SFSWAP: variants seen among roughly 807,000 people sequenced by gnomAD.
The protein encoded by SFSWAP is splicing factor SWAP.
SFSWAP carries 17 observed loss-of-function variants against 100.7 expected under a neutral mutation model. The observed-to-expected ratio is 0.17, with a 90% confidence interval of 0.12 to 0.25. The LOEUF (loss-of-function observed/expected upper bound fraction) is 0.25. Ranked by LOEUF, SFSWAP falls within the 10% of genes least tolerant of loss-of-function variation. The pLI, the probability that SFSWAP is intolerant of heterozygous loss-of-function variation, is 1.00. For synonymous variants in SFSWAP, 504 were observed against 510.1 expected (o/e 0.99, Z 0.16); for missense variants, 1,005 against 1,262.6 (o/e 0.80, Z 3.09).
rs958189499 is a variant in SFSWAP at position 131,764,182 on chromosome 12, G to A, written c.1721-274G>A. Among the ~76,000 whole-genome samples the A allele has an allele frequency of 9.2e-5, 14 of 152,220 alleles. 1 individual carries two copies. The highest frequency in any genetic ancestry group is 6.5e-4 in the Admixed American group (10 of 15,286). ...TGGCCATTTAAAATTGCAGGTGACTGCCCTGGCATCAGCGAGTGTGCCCTT... is the reference window on the plus strand; with the variant it reads ...TGGCCATTTAAAATTGCAGGTGACTACCCTGGCATCAGCGAGTGTGCCCTT... On this transcript the variant is annotated intron_variant, in intron 11 of 17. Coordinates refer to ENST00000261674, the MANE Select transcript of SFSWAP (RefSeq NM_004592.4).
intron 7 of SFSWAP, among the ~76,000 whole-genome samples, chr12:131,735,431 C>A (rs748232559): frequency 4.6e-5 from 7 of 152,206 alleles, no homozygotes; most frequent in African/African-American, 7.2e-5. Flanking sequence ...CCAGTTAATT[C>A]TGGAACATTT....
chr12:131,766,961 G>A (rs567169950), intron 13 of SFSWAP, among the ~76,000 whole-genome samples: 4 of 152,244 alleles, frequency 2.6e-5, no homozygotes, highest in South Asian at 4.1e-4. Context: ...TTGTGTGTCC[G>A]AGACCAGAGG....
At chr12:131,762,366 G>A (rs1316704250) in intron 11 of SFSWAP, among the ~76,000 whole-genome samples, 1 of 152,202 alleles carries the variant, frequency 6.6e-6, no homozygotes, top group East Asian at 1.9e-4. Context: ...AGCTATGATT[G>A]CACCACTGCA....
At chr12:131,724,185 G>A (rs1408254668) in intron 4 of SFSWAP, among the ~76,000 whole-genome samples, 2 of 152,110 alleles carry the variant, frequency 1.3e-5, no homozygotes, top group Admixed American at 1.3e-4. Flanking sequence ...TAACAAATAG[G>A]CCTACTTTTA....
intron 7 of SFSWAP, among the ~76,000 whole-genome samples, chr12:131,742,426 T>C (rs1349642919): frequency 3.3e-5 from 5 of 152,172 alleles, no homozygotes; most frequent in African/African-American, 1.2e-4. Context: ...CTTTTTTTTT[T>C]CTAGAGGAAA....
chr12:131,799,328 T>A, intron 17 of SFSWAP, 95 bp from the exon 18 acceptor site: 1 of 1,335,510 alleles, frequency 7.5e-7, no homozygotes, highest in Non-Finnish European at 1.1e-6. Context: ...TAGCACCGTC[T>A]GGTCTTGACC....
At chr12:131,771,405 G>A (rs1418672472) in intron 13 of SFSWAP, among the ~76,000 whole-genome samples, 4 of 152,158 alleles carry the variant, frequency 2.6e-5, no homozygotes, top group Non-Finnish European at 2.9e-5. Flanking sequence ...CCTGTGTCTT[G>A]TGTACTCCAG....
At chr12:131,740,554 A>C (rs1593133912) in intron 7 of SFSWAP, among the ~76,000 whole-genome samples, 1 of 151,998 alleles carries the variant, frequency 6.6e-6, no homozygotes, top group Non-Finnish European at 1.5e-5. Context: ...TGTCCCACGC[A>C]TTGGTGCCTC....
Position 131,798,763 on chromosome 12 carries a change from G to A in SFSWAP, c.2718-274G>A, listed in dbSNP as rs181779830. On this transcript the variant is annotated intron_variant, in intron 16 of 17. Transcript: ENST00000261674. ...AAATTAGCCGGGCATGGTGGCACAC[G>A]CCTGCAATCCCAGCTACTCAGGAGG... is the stretch of plus-strand genomic sequence containing the variant. 2.4e-4 allele frequency among the ~76,000 whole-genome samples: 36 copies of A among 152,188 alleles called. No individual in the cohort carries two copies. In the East Asian group the frequency reaches 5.8e-3, roughly 25 times the overall value.
At chr12:131,756,396 T>A in intron 10 of SFSWAP, 77 bp from the exon 11 acceptor site, 1 of 1,342,382 alleles carries the variant, frequency 7.4e-7, no homozygotes, top group South Asian at 1.2e-5. Flanking sequence ...GTGAAACATA[T>A]ACCGTATACA....
At chr12:131,782,770 G>A (rs1192726219) in intron 14 of SFSWAP, among the ~76,000 whole-genome samples, 1 of 152,100 alleles carries the variant, frequency 6.6e-6, no homozygotes, top group Non-Finnish European at 1.5e-5. Flanking sequence ...TAAGTTATGG[G>A]CGACTCTGGA....
intron 7 of SFSWAP, among the ~76,000 whole-genome samples, chr12:131,738,485 C>G (rs1056344082): frequency 2.6e-5 from 4 of 152,128 alleles, no homozygotes; most frequent in Non-Finnish European, 4.4e-5. Context: ...GAAATACTTA[C>G]GTTAAAGTGG....
At chr12:131,788,317 C>T (rs573886140) in intron 15 of SFSWAP, among the ~76,000 whole-genome samples, 1 of 152,214 alleles carries the variant, frequency 6.6e-6, no homozygotes, top group Non-Finnish European at 1.5e-5. Context: ...AAGGGTTAGA[C>T]TCAGTGCAGT....
chr12:131,723,377 G>A (rs907233991), intron 4 of SFSWAP: 4 of 152,120 alleles, frequency 2.6e-5, no homozygotes, highest in Non-Finnish European at 5.9e-5. Flanking sequence ...TAAGTATAGA[G>A]TGATATATGT....
chr12:131,763,182 T>C (rs952470521), intron 11 of SFSWAP, among the ~76,000 whole-genome samples: 16 of 152,272 alleles, frequency 1.1e-4, no homozygotes, highest in African/African-American at 3.9e-4. Flanking sequence ...AGCCATAAAA[T>C]GCTAAAGCGG....
chr12:131,727,154 G>A (rs757794667), intron 6 of SFSWAP, 102 bp downstream of exon 6: 3 of 710,882 alleles, frequency 4.2e-6, no homozygotes, highest in Non-Finnish European at 2.4e-6. Flanking sequence ...TGTTACAGTT[G>A]TATCTTATTT....
In SFSWAP at chr12:131,778,185, GAAAAGA is replaced by G. The variant is rs748283526; in HGVS notation, c.2275_2280del (p.Lys759_Lys760del). ...AGATCCACCGAGAGAAGAAGAGAAA[GAAAAGA>G]AAAAGAAAAAGCACAAAAAAAGATC... On this transcript the variant is annotated inframe_deletion, in exon 14 of 18. Transcript: ENST00000261674. The surrounding 1 kb of genome is among the most constrained non-coding windows in gnomAD (Gnocchi z 4.2). The G allele has an allele frequency of 1.5e-5, 24 of 1,613,746 alleles. No homozygotes were observed. The highest frequency in any genetic ancestry group is 2.7e-5 in the African/African-American group (2 of 74,846).
At chr12:131,799,272 G>A in intron 17 of SFSWAP, 151 bp from the exon 18 acceptor site, 1 of 1,010,488 alleles carries the variant, frequency 9.9e-7, no homozygotes, top group Non-Finnish European at 1.5e-6. Flanking sequence ...AAAGCCGTGT[G>A]GCCCGCACCC....
chr12:131,795,253 T>G (rs559394991), intron 15 of SFSWAP, among the ~76,000 whole-genome samples: 1 of 152,242 alleles, frequency 6.6e-6, no homozygotes, highest in East Asian at 1.9e-4. Context: ...GCGAGCACCG[T>G]CTCTGGCAGG....
Sources: gnomAD v4.1 joint callset for allele counts (sites outside exome capture counted in the v4.1 genomes callset) on GRCh38, gnomAD v4.1.1 for gene constraint, Gnocchi (gnomAD v3.1) non-coding constraint, MANE v1.5 for transcripts, NCBI Gene and HGNC (gene_info 2026-07-23, HGNC 2026-07-21) for gene names.